ECD: variants seen among roughly 807,000 people sequenced by gnomAD.
ECD encodes ecdysoneless cell cycle regulator.
ECD carries 59 observed loss-of-function variants against 77.2 expected under a neutral mutation model. The ratio of observed to expected loss-of-function variants is 0.76; its 90% CI spans 0.62 to 0.95. The LOEUF (loss-of-function observed/expected upper bound fraction) is 0.95. ECD is among the 40% of genes least tolerant of loss of function. The probability of loss-of-function intolerance (pLI) is 0.00; values close to 1 mark genes in which losing one functional copy is unlikely to be tolerated. For synonymous variants in ECD, 233 were observed against 267.4 expected (o/e 0.87, Z 1.26); for missense variants, 704 against 763.4 (o/e 0.92, Z 0.92).
chr10:73,164,020 G>GTTA, intron 1 of ECD, 70 bp from the exon 2 acceptor site: 1 of 1,355,152 alleles, frequency 7.4e-7, no homozygotes, highest in Non-Finnish European at 1.0e-6. Flanking sequence ...TCTTTTAGAT[G>GTTA]GTTCTATGAA....
In ECD at chr10:73,136,770, C is replaced by T; in HGVS notation, c.1638G>A (p.Met546Ile). The T allele has an allele frequency of 6.2e-7, 1 of 1,613,990 alleles. No homozygotes were observed. The highest frequency in any genetic ancestry group is 1.7e-5 in the Admixed American group (1 of 60,006). Residue 546 changes from methionine to isoleucine, a missense_variant, in exon 13 of 14, where the codon ATG (methionine) becomes ATA (isoleucine). Around this residue, in one of 3 missense-constraint regions of ECD, gnomAD observed 142 missense variants for 163.6 expected, o/e 0.87. Coordinates refer to ENST00000372979, the MANE Select transcript of ECD (RefSeq NM_007265.3). ...KGTLDNLKSY[M>I]AQMDQELAHT... ...GTGCTAGTTCCTGGTCCATCTGGGC[C>T]ATGTATGACTTGAGATTATCAAGTG...
intron 6 of ECD, among the ~76,000 whole-genome samples, chr10:73,153,805 T>C (rs1198158033): frequency 7.0e-6 from 1 of 143,672 alleles, no homozygotes; most frequent in Non-Finnish European, 1.5e-5. Flanking sequence ...AAACATTGAG[T>C]ATAAAATGGG....
intron 6 of ECD, among the ~76,000 whole-genome samples, chr10:73,153,074 T>C (rs888694195): frequency 1.3e-5 from 2 of 151,994 alleles, no homozygotes; most frequent in Non-Finnish European, 2.9e-5. Context: ...TGGAGTGCAG[T>C]GAGCAATCAT....
At chr10:73,143,366 C>T (rs1589682355) in intron 9 of ECD, among the ~76,000 whole-genome samples, 1 of 108 alleles carries the variant, frequency 9.3e-3, no homozygotes, top group Non-Finnish European at 0.018. Context: ...ACAGGGTTTC[C>T]CATATTGGCC....
chr10:73,148,377 TGGAGCATAA>T lies in ECD; in HGVS notation c.931_939del (p.Leu311_Ser313del). 1 of 1,613,938 alleles carries T rather than the reference TGGAGCATAA, an allele frequency of 6.2e-7. No homozygotes were observed. Among genetic ancestry groups the T allele is most frequent in the African/African-American group, 1.3e-5 (1 of 75,060 alleles). On this transcript the variant is annotated inframe_deletion, in exon 8 of 14. Transcript: ENST00000372979. ...CAGTCAGAAAAATGTGGGCTACATT[TGGAGCATAA>T]GATCTCAAATCCATGAGCCTAGATG...
At chr10:73,161,592 A>G (rs961431225) in intron 2 of ECD, among the ~76,000 whole-genome samples, 2 of 152,228 alleles carry the variant, frequency 1.3e-5, no homozygotes, top group Admixed American at 1.3e-4. Context: ...AGCTGGCTTC[A>G]CCGGGGAATT....
At chr10:73,141,019 C>G (rs943957747) in intron 9 of ECD, among the ~76,000 whole-genome samples, 1 of 151,844 alleles carries the variant, frequency 6.6e-6, no homozygotes. Context: ...AAATGCTATG[C>G]TAACACTTTA....
Position 73,152,364 on chromosome 10 carries a change from G to T in ECD, c.841C>A (p.Arg281=). The part of the protein sequence containing the change: ...QLVQQRFVPD[R]RSGYRLPPPS... Reference sequence around the variant, plus strand: ...GGAGGCAGCCTGTATCCACTCCGCCGGTCTGGCACAAACCTTTGTTGCACC... The same window carrying T: ...GGAGGCAGCCTGTATCCACTCCGCCTGTCTGGCACAAACCTTTGTTGCACC... Residue 281 remains arginine, a synonymous_variant, in exon 7 of 14, where the codon CGG becomes AGG. Coordinates refer to ENST00000372979, the MANE Select transcript of ECD (RefSeq NM_007265.3). The T allele has an allele frequency of 6.2e-7, 1 of 1,613,816 alleles. No homozygotes were observed. Among genetic ancestry groups the T allele is most frequent in the South Asian group, 1.1e-5 (1 of 91,066 alleles).
chr10:73,160,000 T>C (rs920430030), intron 3 of ECD, among the ~76,000 whole-genome samples: 27 of 151,306 alleles, frequency 1.8e-4, no homozygotes, highest in Middle Eastern at 3.4e-3. Context: ...AAAACACAGA[T>C]ATGGCTGGGC....
chr10:73,162,185 T>C (rs1843388712), intron 2 of ECD, among the ~76,000 whole-genome samples: 1 of 152,228 alleles, frequency 6.6e-6, no homozygotes, highest in Non-Finnish European at 1.5e-5. Flanking sequence ...GCAACAGTGT[T>C]AGGAACTAGA....
intron 5 of ECD, 27 bp from the exon 6 acceptor site, chr10:73,154,475 A>C (rs946113401): frequency 6.4e-7 from 1 of 1,571,428 alleles, no homozygotes; most frequent in Non-Finnish European, 8.6e-7. Flanking sequence ...AATTACTTTC[A>C]TTTTACAGTA....
chr10:73,150,576 G>A (rs999598372), intron 7 of ECD, among the ~76,000 whole-genome samples: 5 of 151,970 alleles, frequency 3.3e-5, no homozygotes, highest in Admixed American at 6.6e-5. Flanking sequence ...CTACCATCAG[G>A]GTGAACAGGC....
intron 9 of ECD, chr10:73,141,339 TAAA>T (rs749192454): frequency 1.2e-3 from 112 of 95,084 alleles, no homozygotes; most frequent in South Asian, 9.6e-3. Flanking sequence ...CCGTCTCTAC[TAAA>T]AAAAAAAAAA....
At position 73,139,009 on chromosome 10, in the gene ECD, TG is replaced by T. The variant is rs1843013917; in HGVS notation, c.1421+299del. Among the ~76,000 whole-genome samples, 3 of 152,152 alleles carry T rather than the reference TG, an allele frequency of 2.0e-5. No individual in the cohort carries two copies. The South Asian group carries it at 6.2e-4, about 31-fold the overall frequency. On this transcript the variant is annotated intron_variant, in intron 11 of 13. Transcript: ENST00000372979. Reference sequence around the variant, plus strand: ...TGGGAGATCAGAGGTCTGAACTTGTTGAAAGTTAAATGTTGAGCCCATAAAG... The same window carrying T: ...TGGGAGATCAGAGGTCTGAACTTGTTAAAGTTAAATGTTGAGCCCATAAAG...
intron 7 of ECD, among the ~76,000 whole-genome samples, chr10:73,151,501 A>C (rs1417417710): frequency 6.6e-6 from 1 of 150,760 alleles, no homozygotes; most frequent in Non-Finnish European, 1.5e-5. Flanking sequence ...CGTTGTGCAC[A>C]TGTACCCTAA....
chr10:73,147,342 G>A (rs1310788641), intron 8 of ECD, among the ~76,000 whole-genome samples: 6 of 152,236 alleles, frequency 3.9e-5, no homozygotes, highest in African/African-American at 1.4e-4. Flanking sequence ...GAGGTCAGGA[G>A]TCCGAGACCA....
chr10:73,148,411 G>A lies in ECD; in HGVS notation c.913-7C>T, dbSNP rs1215819760. On this transcript the variant is annotated splice_polypyrimidine_tract_variant and splice_region_variant and intron_variant, in intron 7 of 13. Coordinates refer to ENST00000372979, the MANE Select transcript of ECD (RefSeq NM_007265.3). Reference sequence around the variant, plus strand: ...AGATCTCAAATCCATGAGCCTAGATGAGATAGGTAGAATTTTTGTTACTAA... The same window carrying A: ...AGATCTCAAATCCATGAGCCTAGATAAGATAGGTAGAATTTTTGTTACTAA... 1 of 1,606,470 alleles carries A rather than the reference G, an allele frequency of 6.2e-7. No homozygotes were observed.
chr10:73,145,735 C>T (rs1289803202), intron 9 of ECD, among the ~76,000 whole-genome samples: 1 of 150,198 alleles, frequency 6.7e-6, no homozygotes, highest in African/African-American at 2.5e-5. Context: ...ACCTCCGCCT[C>T]CTGAGTTCAA....
At chr10:73,167,000 G>A (rs965783702) in intron 1 of ECD, among the ~76,000 whole-genome samples, 3 of 152,154 alleles carry the variant, frequency 2.0e-5, no homozygotes. Context: ...TATGGTGGGA[G>A]GTAGTGGGTC....
Sources: gnomAD v4.1 joint callset for allele counts (sites outside exome capture counted in the v4.1 genomes callset) on GRCh38, gnomAD v4.1.1 for gene constraint, gnomAD v4.1.1 regional missense constraint, MANE v1.5 for transcripts, NCBI Gene and HGNC (gene_info 2026-07-23, HGNC 2026-07-21) for gene names.